The following CDYL variants were observed in gnomAD, a reference collection of about 807,000 sequenced individuals.
CDYL encodes chromodomain Y like, also known as chromodomain Y-like protein.
CDYL carries 8 observed loss-of-function variants against 47.3 expected under a neutral mutation model. The observed-to-expected ratio is 0.17, with a 90% CI of 0.10 to 0.31. The LOEUF (loss-of-function observed/expected upper bound fraction) is 0.31, where lower values mean the gene tolerates loss of function less well. Among genes scored for constraint, CDYL ranks in the 10% least tolerant of loss-of-function variants. CDYL has a pLI of 1.00. For synonymous variants in CDYL, 266 were observed against 265.0 expected (o/e 1.00, Z -0.04); for missense variants, 471 against 701.4 (o/e 0.67, Z 3.71).
In CDYL at chr6:4,776,668, G is replaced by C; in HGVS notation, c.-116G>C. ...CTCGTCCGTGCCCAGCGCCCGGCCG[G>C]CCGCGGGAGCAGGAAGCGCAGGCCA... On this transcript the variant is annotated 5_prime_UTR_variant, in exon 1 of 7. Transcript: ENST00000397588. 3.2e-6 allele frequency: 3 copies of C among 942,790 alleles called. No individual in the cohort carries two copies. In the South Asian group the frequency reaches 5.7e-5, roughly 18 times the overall value. 58.4% of individuals were successfully genotyped at this position (942,790 alleles called of 1,614,324 possible). A position where few individuals can be genotyped will look rare whatever the true frequency, so the allele number is the denominator to read the frequency against.
chr6:4,825,508 AG>A (rs988865629), intron 1 of CDYL, among the ~76,000 whole-genome samples: 1 of 152,140 alleles, frequency 6.6e-6, no homozygotes, highest in African/African-American at 2.4e-5. Flanking sequence ...ATGTTGAGGA[AG>A]TTCTCTTCTA....
intron 1 of CDYL, among the ~76,000 whole-genome samples, chr6:4,856,903 G>A (rs1761025138): frequency 6.6e-6 from 1 of 152,204 alleles, no homozygotes; most frequent in Non-Finnish European, 1.5e-5. Context: ...GACCTGGTAA[G>A]TATAGTCTGG....
chr6:4,810,224 T>C (rs561216151), intron 1 of CDYL, among the ~76,000 whole-genome samples: 2 of 152,320 alleles, frequency 1.3e-5, no homozygotes, highest in African/African-American at 4.8e-5. Flanking sequence ...CCTTTTGTTG[T>C]TTGCATTGTA....
rs201382182 is a variant in CDYL at position 4,893,849 on chromosome 6, G to A, written c.691+1470G>A. ...AAGTGTTCACTAAGACATTCTAACC[G>A]TCCTGCTTTGGTGCATTCAACAGGT... On this transcript the variant is annotated intron_variant, in intron 2 of 6. Coordinates refer to ENST00000397588, the MANE Select transcript of CDYL (RefSeq NM_004824.4). 5.0e-4 allele frequency among the ~76,000 whole-genome samples: 76 copies of A among 152,322 alleles called. No individual in the cohort carries two copies. In the South Asian group the frequency reaches 0.012, roughly 24 times the overall value.
At chr6:4,723,902 A>G (rs2127411048) in intron 2 of CDYL, among the ~76,000 whole-genome samples, 1 of 152,374 alleles carries the variant, frequency 6.6e-6, no homozygotes, top group East Asian at 1.9e-4. Context: ...AAATCAAGTT[A>G]TTCATTCCTT....
At chr6:4,861,489 G>A (rs1255828881) in intron 1 of CDYL, among the ~76,000 whole-genome samples, 1 of 152,178 alleles carries the variant, frequency 6.6e-6, no homozygotes, top group East Asian at 1.9e-4. Context: ...GGGCCAAGAG[G>A]GCCAGTAAAT....
intron 1 of CDYL, among the ~76,000 whole-genome samples, chr6:4,711,751 A>C (rs948353336): frequency 6.6e-5 from 10 of 152,262 alleles, no homozygotes; most frequent in African/African-American, 2.2e-4. Flanking sequence ...ACAGGAGGGC[A>C]GACCACCAAG....
rs374339212 is a variant in CDYL at position 4,716,313 on chromosome 6, C to CCA, written c.103+433_103+434dup. ...TGTTCAACATAAGCTTTCTGGTATTCCAGTCATAATACTCTAGCTGTTCGG... is the reference window on the plus strand; with the variant it reads ...TGTTCAACATAAGCTTTCTGGTATTCCACAGTCATAATACTCTAGCTGTTCGG... On this transcript the variant is annotated intron_variant, in intron 2 of 8. Coordinates refer to the CDYL transcript ENST00000328908. 2.3e-3 allele frequency among the ~76,000 whole-genome samples: 354 copies of CCA among 151,772 alleles called. 1 individual carries two copies. Among genetic ancestry groups the CCA allele is most frequent in the African/African-American group, 8.1e-3 (336 of 41,438 alleles).
At chr6:4,718,711 T>A (rs1757315103) in intron 2 of CDYL, 1 of 152,244 alleles carries the variant, frequency 6.6e-6, no homozygotes, top group Non-Finnish European at 1.5e-5. Context: ...TTAATATTTG[T>A]GTGTTGATTC....
At chr6:4,906,262 G>A (rs959609449) in intron 2 of CDYL, among the ~76,000 whole-genome samples, 2 of 152,190 alleles carry the variant, frequency 1.3e-5, no homozygotes, top group Non-Finnish European at 2.9e-5. Flanking sequence ...GCATTTTCTT[G>A]CATGACACTT....
At chr6:4,759,707 C>CG (rs931819813) in intron 3 of CDYL, among the ~76,000 whole-genome samples, 2 of 150,690 alleles carry the variant, frequency 1.3e-5, no homozygotes, top group Non-Finnish European at 3.0e-5. Context: ...GGTGAATCCT[C>CG]GTCTCTACTT....
intron 2 of CDYL, among the ~76,000 whole-genome samples, chr6:4,904,430 A>G (rs1333328641): frequency 6.6e-6 from 1 of 152,156 alleles, no homozygotes; most frequent in Non-Finnish European, 1.5e-5. Flanking sequence ...CTTATCTCCA[A>G]AGTGTTTGTT....
chr6:4,867,250 A>T (rs949314874), intron 1 of CDYL, among the ~76,000 whole-genome samples: 4 of 152,068 alleles, frequency 2.6e-5, no homozygotes, highest in African/African-American at 9.7e-5. Context: ...AAGTTTTTTT[A>T]AAAAATTTCT....
intron 1 of CDYL, among the ~76,000 whole-genome samples, chr6:4,797,930 T>C (rs1178898229): frequency 6.6e-6 from 1 of 152,200 alleles, no homozygotes; most frequent in Non-Finnish European, 1.5e-5. Flanking sequence ...GTGTTGTTGT[T>C]GTTGTTTGAG....
At chr6:4,946,825 C>T (rs1385610809) in intron 5 of CDYL, among the ~76,000 whole-genome samples, 2 of 152,172 alleles carry the variant, frequency 1.3e-5, no homozygotes, top group African/African-American at 4.8e-5. Flanking sequence ...CTGTGCTGCC[C>T]TCCTCCCTCT....
At chr6:4,919,488 T>G (rs1757649805) in intron 2 of CDYL, among the ~76,000 whole-genome samples, 1 of 152,238 alleles carries the variant, frequency 6.6e-6, no homozygotes, top group African/African-American at 2.4e-5. Flanking sequence ...ATATTTGCAT[T>G]ATACTTACCA....
At chr6:4,866,255 T>C (rs940074669) in intron 1 of CDYL, among the ~76,000 whole-genome samples, 1 of 152,202 alleles carries the variant, frequency 6.6e-6, no homozygotes, top group African/African-American at 2.4e-5. Context: ...AGAGATGTTT[T>C]TCTTTGTTTT....
At chr6:4,855,571 G>GT (rs112481034) in intron 1 of CDYL, among the ~76,000 whole-genome samples, 3,307 of 152,222 alleles carry the variant, frequency 0.022, 129 homozygotes, top group African/African-American at 0.076. Context: ...TTTTCACACA[G>GT]TTTTTTTCCA....
At chr6:4,918,898 A>T (rs1242082550) in intron 2 of CDYL, among the ~76,000 whole-genome samples, 1 of 152,216 alleles carries the variant, frequency 6.6e-6, no homozygotes, top group Admixed American at 6.5e-5. Flanking sequence ...TAATGCTCTC[A>T]GAGGAGCTCA....
Sources: gnomAD v4.1 joint callset for allele counts (sites outside exome capture counted in the v4.1 genomes callset) on GRCh38, gnomAD v4.1.1 for gene constraint, MANE v1.5 for transcripts, NCBI Gene and HGNC (gene_info 2026-07-23, HGNC 2026-07-21) for gene names.